LRRC4C: variants seen among roughly 807,000 people sequenced by gnomAD.
LRRC4C encodes leucine rich repeat containing 4C, also known as leucine-rich repeat-containing protein 4C.
In LRRC4C, 5 loss-of-function variants were observed where a neutral mutation model predicts 33.6. The observed-to-expected ratio is 0.15, with a 90% confidence interval of 0.08 to 0.31. The LOEUF (loss-of-function observed/expected upper bound fraction) is 0.31, where lower values mean the gene tolerates loss of function less well. Ranked by LOEUF, LRRC4C falls within the 10% of genes least tolerant of loss-of-function variation. LRRC4C has a pLI of 1.00. For missense variants in LRRC4C, 560 were observed against 796.7 expected, an observed-to-expected ratio of 0.70 and a Z score of 3.58; for synonymous variants, 329 against 302.0, an observed-to-expected ratio of 1.09 and a Z score of -0.93.
At chr11:40,746,378 G>C (rs1948422630) in intron 2 of LRRC4C, among the ~76,000 whole-genome samples, 1 of 152,140 alleles carries the variant, frequency 6.6e-6, no homozygotes, top group African/African-American at 2.4e-5. Flanking sequence ...GCAACACTGG[G>C]GCTGAGAAGC....
At chr11:40,500,099 T>C (rs1252977415) in intron 3 of LRRC4C, among the ~76,000 whole-genome samples, 1 of 151,938 alleles carries the variant, frequency 6.6e-6, no homozygotes, top group Non-Finnish European at 1.5e-5. Context: ...TGCATACAGT[T>C]ATGGATTCTG....
intron 1 of LRRC4C, among the ~76,000 whole-genome samples, chr11:41,449,163 C>CCA (rs1955935849): frequency 1.3e-5 from 2 of 152,110 alleles, no homozygotes; most frequent in Admixed American, 6.6e-5. Flanking sequence ...CTACTTAAAA[C>CCA]CGTGTAAGTG....
intron 5 of LRRC4C, among the ~76,000 whole-genome samples, chr11:40,179,275 A>G (rs1037548496): frequency 3.3e-5 from 5 of 152,016 alleles, no homozygotes; most frequent in African/African-American, 1.2e-4. Flanking sequence ...AATTGCTGGG[A>G]TTATAGGTGC....
chr11:40,684,790 G>A (rs1288640298), intron 2 of LRRC4C, among the ~76,000 whole-genome samples: 2 of 151,954 alleles, frequency 1.3e-5, no homozygotes, highest in Non-Finnish European at 1.5e-5. Context: ...CTTGTTACCA[G>A]TGACAATCAG....
intron 1 of LRRC4C, among the ~76,000 whole-genome samples, chr11:41,183,601 T>G (rs1055195375): frequency 2.6e-5 from 4 of 152,132 alleles, no homozygotes; most frequent in African/African-American, 9.7e-5. Flanking sequence ...GGGTACAGAC[T>G]CCCTGCTGGC....
intron 4 of LRRC4C, among the ~76,000 whole-genome samples, chr11:40,261,956 C>T (rs1013550278): frequency 5.3e-5 from 8 of 152,134 alleles, no homozygotes; most frequent in Non-Finnish European, 1.2e-4. Context: ...AAAGCAATGG[C>T]AACAAAAGCC....
chr11:40,831,970 T>C (rs1384260927), intron 2 of LRRC4C, among the ~76,000 whole-genome samples: 2 of 152,114 alleles, frequency 1.3e-5, no homozygotes, highest in South Asian at 2.1e-4. Flanking sequence ...TTTTAAATTA[T>C]CAAAAAATAT....
chr11:40,625,705 C>T (rs1222826045), intron 3 of LRRC4C, among the ~76,000 whole-genome samples: 1 of 152,020 alleles, frequency 6.6e-6, no homozygotes, highest in African/African-American at 2.4e-5. Flanking sequence ...CTCATTTTTT[C>T]CAAATTTCCT....
At chr11:40,594,868 T>C (rs920052550) in intron 3 of LRRC4C, among the ~76,000 whole-genome samples, 1 of 152,180 alleles carries the variant, frequency 6.6e-6, no homozygotes, top group African/African-American at 2.4e-5. Flanking sequence ...AAGAAAATGT[T>C]CTGTATAACT....
At chr11:40,368,241 C>A (rs983603499) in intron 3 of LRRC4C, among the ~76,000 whole-genome samples, 2 of 152,014 alleles carry the variant, frequency 1.3e-5, no homozygotes, top group Non-Finnish European at 2.9e-5. Context: ...ATACAATATA[C>A]TTTGGGAAGG....
chr11:40,977,977 TA>T (rs768775162), intron 1 of LRRC4C, among the ~76,000 whole-genome samples: 146 of 152,260 alleles, frequency 9.6e-4, no homozygotes, highest in Non-Finnish European at 1.9e-3. Context: ...AAATCTAACA[TA>T]AAATATTGTC....
intron 1 of LRRC4C, among the ~76,000 whole-genome samples, chr11:41,163,682 G>C (rs895719177): frequency 1.3e-5 from 2 of 151,758 alleles, no homozygotes; most frequent in Admixed American, 6.6e-5. Context: ...CCTGTTCTTG[G>C]CTCACTGCAA....
chr11:40,389,276 A>T (rs1294988665), intron 3 of LRRC4C, among the ~76,000 whole-genome samples: 1 of 152,140 alleles, frequency 6.6e-6, no homozygotes, highest in Non-Finnish European at 1.5e-5. Flanking sequence ...GGCAAAATGG[A>T]AAAGCATTCT....
intron 3 of LRRC4C, among the ~76,000 whole-genome samples, chr11:40,573,142 G>A (rs1357869388): frequency 1.3e-5 from 2 of 152,232 alleles, no homozygotes; most frequent in Non-Finnish European, 2.9e-5. Flanking sequence ...TTAGTTCTTA[G>A]ACTGAACTTA....
Position 40,693,113 on chromosome 11 carries a change from C to G in LRRC4C, c.-406-44835G>C, listed in dbSNP as rs551687408. 5.3e-5 allele frequency among the ~76,000 whole-genome samples: 8 copies of G among 151,678 alleles called. No homozygotes were observed. The South Asian group carries it at 1.7e-3, about 32-fold the overall frequency. ...ATGTATCGTGATTCTGGTTTTTTAC[C>G]GCACACACACACCTCTGCACACTTA... is the stretch of plus-strand genomic sequence containing the variant. On this transcript the variant is annotated intron_variant, in intron 2 of 6. Coordinates refer to ENST00000528697, the MANE Select transcript of LRRC4C (RefSeq NM_001258419.2).
chr11:40,641,230 A>G (rs893613562), intron 3 of LRRC4C, among the ~76,000 whole-genome samples: 6 of 152,148 alleles, frequency 3.9e-5, no homozygotes, highest in Non-Finnish European at 7.4e-5. Context: ...TTAAGTTTAG[A>G]GTTCTAAGCC....
chr11:41,008,748 G>C (rs4756628), intron 1 of LRRC4C, among the ~76,000 whole-genome samples: 23,963 of 152,000 alleles, frequency 0.16, 2,046 homozygotes, highest in Middle Eastern at 0.22. Context: ...TTGGAGTCTA[G>C]TTTGTCACTT....
intron 5 of LRRC4C, among the ~76,000 whole-genome samples, chr11:40,165,209 TAA>T (rs1051564408): frequency 1.3e-5 from 2 of 152,236 alleles, no homozygotes; most frequent in East Asian, 1.9e-4. Flanking sequence ...TCTATTTTTA[TAA>T]GTGTGTATAC....
chr11:41,065,146 G>A (rs1021927378), intron 1 of LRRC4C, among the ~76,000 whole-genome samples: 6 of 152,138 alleles, frequency 3.9e-5, no homozygotes, highest in African/African-American at 7.2e-5. Context: ...AGAAAGCTAG[G>A]AACCACTGGC....
Sources: gnomAD v4.1 joint callset for allele counts (sites outside exome capture counted in the v4.1 genomes callset) on GRCh38, gnomAD v4.1.1 for gene constraint, MANE v1.5 for transcripts, NCBI Gene and HGNC (gene_info 2026-07-23, HGNC 2026-07-21) for gene names.